The following MARK3 variants were observed in gnomAD, a reference collection of about 807,000 sequenced individuals.
The protein encoded by MARK3 is MAP/microtubule affinity-regulating kinase 3.
A neutral mutation model predicts 90.1 loss-of-function variants in MARK3; 46 were observed. The observed-to-expected ratio is 0.51, with a 90% CI of 0.40 to 0.65. The LOEUF is 0.65. Among genes scored for constraint, MARK3 ranks in the 30% least tolerant of loss-of-function variants. The pLI is 0.00. For synonymous variants in MARK3, 321 were observed against 332.6 expected, an observed-to-expected ratio of 0.97 and a Z score of 0.38; for missense variants, 818 against 947.2, an observed-to-expected ratio of 0.86 and a Z score of 1.79.
chr14:103,467,284 A>T, intron 11 of MARK3, 93 bp downstream of exon 11: 1 of 566,034 alleles, frequency 1.8e-6, no homozygotes, highest in Non-Finnish European at 3.1e-6. Context: ...AATATTTGTA[A>T]CATTTGATAC....
At chr14:103,488,773 G>C (rs750500783) in intron 14 of MARK3, among the ~76,000 whole-genome samples, 1 of 152,204 alleles carries the variant, frequency 6.6e-6, no homozygotes, top group Non-Finnish European at 1.5e-5. Flanking sequence ...GGAGGTTGAG[G>C]CTGCAGCAAG....
chr14:103,437,452 T>A (rs546499483), intron 3 of MARK3, among the ~76,000 whole-genome samples: 51 of 152,202 alleles, frequency 3.4e-4, no homozygotes, highest in African/African-American at 1.1e-3. Context: ...AGATTGATTG[T>A]TTGTTTTTAG....
At chr14:103,425,033 C>T (rs1283977421) in intron 2 of MARK3, among the ~76,000 whole-genome samples, 1 of 151,280 alleles carries the variant, frequency 6.6e-6, no homozygotes, top group Non-Finnish European at 1.5e-5. Context: ...CTCTACCTCC[C>T]AAATTCAAGC....
intron 1 of MARK3, among the ~76,000 whole-genome samples, chr14:103,401,113 G>A (rs2090941870): frequency 6.6e-6 from 1 of 151,866 alleles, no homozygotes; most frequent in South Asian, 2.1e-4. Context: ...CATAGGAATA[G>A]GGAACTTTTT....
intron 1 of MARK3, among the ~76,000 whole-genome samples, chr14:103,398,456 T>TCTAC (rs1566766573): frequency 6.6e-6 from 1 of 152,226 alleles, no homozygotes; most frequent in African/African-American, 2.4e-5. Context: ...TTGGGTGCAT[T>TCTAC]CTTGTTTTTT....
At chr14:103,390,076 G>A (rs888639891) in intron 1 of MARK3, among the ~76,000 whole-genome samples, 10 of 151,360 alleles carry the variant, frequency 6.6e-5, no homozygotes, top group Non-Finnish European at 1.0e-4. Context: ...GTGAAACCCT[G>A]TGTCTACCAA....
chr14:103,389,528 CAAAAA>C lies in MARK3; in HGVS notation c.51+3464_51+3468del, dbSNP rs67737305. The stretch of plus-strand genomic sequence containing the variant: ...GAGTGACAGAGTAAGACTCTGTCTC[CAAAAA>C]AAAAAAAAAAAAAAAGCAGACAACT... On this transcript the variant is annotated intron_variant, in intron 1 of 17. Coordinates refer to ENST00000429436, the MANE Select transcript of MARK3 (RefSeq NM_001128918.3). Among the ~76,000 whole-genome samples the C allele has an allele frequency of 5.2e-4, 26 of 49,852 alleles. 1 individual carries two copies. The highest frequency in any genetic ancestry group is 4.6e-3 in the East Asian group (5 of 1,088). 32.7% of individuals were successfully genotyped at this position (49,852 alleles called of 152,430 possible).
intron 12 of MARK3, among the ~76,000 whole-genome samples, chr14:103,474,186 G>A (rs1264897696): frequency 6.6e-6 from 1 of 152,130 alleles, no homozygotes; most frequent in Non-Finnish European, 1.5e-5. Flanking sequence ...GCCTGGGCGA[G>A]AGAGCTAGAC....
intron 14 of MARK3, among the ~76,000 whole-genome samples, chr14:103,487,164 G>A (rs12878548): frequency 6.7e-6 from 1 of 150,070 alleles, no homozygotes; most frequent in Non-Finnish European, 1.5e-5. Context: ...CAATCCACCC[G>A]CCTCAGCCTC....
chr14:103,406,837 TTTTG>T (rs1258124899), intron 2 of MARK3, among the ~76,000 whole-genome samples: 2 of 150,234 alleles, frequency 1.3e-5, no homozygotes, highest in African/African-American at 4.9e-5. Context: ...TTGTTTTTGT[TTTTG>T]TTTTTTTTAT....
intron 1 of MARK3, among the ~76,000 whole-genome samples, chr14:103,393,332 G>A (rs560286908): frequency 6.6e-6 from 1 of 152,148 alleles, no homozygotes; most frequent in South Asian, 2.1e-4. Context: ...GAATCAAGCT[G>A]TTTGGGCCTT....
intron 5 of MARK3, among the ~76,000 whole-genome samples, chr14:103,453,224 ACC>A (rs2093197643): frequency 6.6e-6 from 1 of 152,120 alleles, no homozygotes; most frequent in Non-Finnish European, 1.5e-5. Context: ...GTAGTTTGCG[ACC>A]ACACGTGAGT....
intron 3 of MARK3, among the ~76,000 whole-genome samples, chr14:103,428,751 A>G (rs1234279185): frequency 6.6e-6 from 1 of 152,126 alleles, no homozygotes; most frequent in Non-Finnish European, 1.5e-5. Flanking sequence ...AGTTTTTTTA[A>G]AAATAATACA....
At chr14:103,449,739 T>C (rs2093086186) in intron 4 of MARK3, among the ~76,000 whole-genome samples, 1 of 152,224 alleles carries the variant, frequency 6.6e-6, no homozygotes, top group African/African-American at 2.4e-5. Context: ...GAAAAACTTT[T>C]GATCCCATAT....
chr14:103,398,934 CTTCTT>C (rs2090761991), intron 1 of MARK3, among the ~76,000 whole-genome samples: 1 of 152,180 alleles, frequency 6.6e-6, no homozygotes, highest in African/African-American at 2.4e-5. Context: ...TAAGGGCACA[CTTCTT>C]TTGTTTTACA....
Position 103,491,922 on chromosome 14 carries a change from A to G in MARK3, c.1732A>G (p.Asn578Asp), listed in dbSNP as rs1024787504. The change falls in exon 15 of 18, where the codon AAT (asparagine) becomes GAT (aspartate). Residue 578 changes from asparagine (N) to aspartate (D), a missense_variant. Physicochemically the swap from Asn to Asp is conservative, Grantham distance 23. Around this residue, in one of 3 missense-constraint regions of MARK3, gnomAD observed 560 missense variants for 613.5 expected, o/e 0.91. Coordinates refer to ENST00000429436, the MANE Select transcript of MARK3 (RefSeq NM_001128918.3). ...CCGGGAACGGCGAACCGCAACATAT[A>G]ATGGCCCTCCTGCCTCTCCCAGCCT... ...QPRERRTATY[N>D]GPPASPSLSH... is the part of the protein sequence containing the mutation. The G allele has an allele frequency of 2.5e-6, 4 of 1,614,026 alleles. No homozygotes were observed. Among genetic ancestry groups the G allele is most frequent in the African/African-American group, 2.7e-5 (2 of 74,906 alleles).
At chr14:103,425,496 C>T (rs2141005411) in intron 2 of MARK3, among the ~76,000 whole-genome samples, 1 of 152,050 alleles carries the variant, frequency 6.6e-6, no homozygotes, top group East Asian at 1.9e-4. Flanking sequence ...CTCCTGACCT[C>T]AGGTGATCCA....
At chr14:103,452,669 C>T (rs2093179404) in intron 5 of MARK3, among the ~76,000 whole-genome samples, 1 of 151,410 alleles carries the variant, frequency 6.6e-6, no homozygotes, top group Non-Finnish European at 1.5e-5. Flanking sequence ...GACGGGGTTT[C>T]ACCGTGTTAG....
chr14:103,498,423 G>C (rs1375736285), intron 15 of MARK3, 79 bp from the exon 16 acceptor site: 2 of 993,552 alleles, frequency 2.0e-6, no homozygotes, highest in Admixed American at 8.9e-5. Context: ...CTTTCTCTCT[G>C]TAATTGATTA....
Sources: allele counts gnomAD v4.1 joint callset (sites outside exome capture counted in the v4.1 genomes callset), GRCh38; gene constraint gnomAD v4.1.1; regional missense constraint gnomAD v4.1.1; transcripts MANE v1.5; gene names NCBI Gene and HGNC (gene_info 2026-07-23, HGNC 2026-07-21).